TJP1: variants seen among roughly 807,000 people sequenced by gnomAD.
TJP1 encodes the protein tight junction protein 1.
A neutral mutation model predicts 194.2 loss-of-function variants in TJP1; 43 were observed. The ratio of observed to expected loss-of-function variants is 0.22; its 90% CI spans 0.17 to 0.29. The LOEUF (loss-of-function observed/expected upper bound fraction) is 0.29. Ranked by LOEUF, TJP1 falls within the 10% of genes least tolerant of loss-of-function variation. The pLI, the probability that TJP1 is intolerant of heterozygous loss-of-function variation, is 1.00. For synonymous variants in TJP1, 801 were observed against 779.0 expected, an observed-to-expected ratio of 1.03 and a Z score of -0.47; for missense variants, 1,971 against 2,185.7, an observed-to-expected ratio of 0.90 and a Z score of 1.96.
chr15:29,881,277 G>A (rs924456850), intron 2 of TJP1, among the ~76,000 whole-genome samples: 18 of 152,098 alleles, frequency 1.2e-4, no homozygotes, highest in African/African-American at 2.4e-4. Context: ...TCCTTTGCCC[G>A]TTTTTAAATT....
chr15:29,754,746 C>A (rs943401237), intron 8 of TJP1, among the ~76,000 whole-genome samples: 6 of 152,180 alleles, frequency 3.9e-5, no homozygotes, highest in African/African-American at 1.4e-4. Context: ...CAGCCCTAAT[C>A]TGAAAATGCA....
At chr15:29,750,208 G>C (rs150264490) in intron 8 of TJP1, among the ~76,000 whole-genome samples, 1 of 152,062 alleles carries the variant, frequency 6.6e-6, no homozygotes, top group Non-Finnish European at 1.5e-5. Flanking sequence ...GGGTTTCACC[G>C]TGTTAGCCAG....
At chr15:29,817,783 A>G (rs2050032768) in intron 1 of TJP1, among the ~76,000 whole-genome samples, 1 of 152,202 alleles carries the variant, frequency 6.6e-6, no homozygotes, top group South Asian at 2.1e-4. Flanking sequence ...GAGTTGAACA[A>G]TGAGAACACA....
At chr15:29,828,007 C>A (rs545945832) in intron 2 of TJP1, among the ~76,000 whole-genome samples, 1 of 152,302 alleles carries the variant, frequency 6.6e-6, no homozygotes, top group Admixed American at 6.5e-5. Context: ...GTAAAAGATT[C>A]ATGCAATTGA....
intron 2 of TJP1, among the ~76,000 whole-genome samples, chr15:29,919,299 A>G (rs73371161): frequency 0.011 from 1,706 of 152,312 alleles, 48 homozygotes; most frequent in African/African-American, 0.039. Flanking sequence ...CCCAGAGGGC[A>G]TTAGGTTGGT....
chr15:29,719,837 T>C lies in TJP1; in HGVS notation c.2943A>G (p.Ala981=). 1.2e-6 allele frequency: 2 copies of C among 1,614,210 alleles called. No individual in the cohort carries two copies. The highest frequency in any genetic ancestry group is 2.7e-5 in the African/African-American group (2 of 75,058). ...ADSLRTPSTE[A]AHIMLRDQEP... ...CTTGATCTCTTAGCATTATGTGAGC[T>C]GCCTCAGTACTTGGTGTTCTTAAAG... is the stretch of plus-strand genomic sequence containing the variant. The change falls in exon 20 of 28, where the codon GCA becomes GCG. Residue 981 remains alanine (A), a synonymous_variant. Transcript: ENST00000614355.
At chr15:29,949,510 C>A (rs1301273455) in intron 2 of TJP1, among the ~76,000 whole-genome samples, 1 of 135,194 alleles carries the variant, frequency 7.4e-6, no homozygotes, top group Non-Finnish European at 1.6e-5. Context: ...CAACCACCAC[C>A]TCCACCTCCA....
At position 29,701,628 on chromosome 15, in the gene TJP1, T is replaced by G; in HGVS notation, c.5274A>C (p.Ala1758=). 1 of 1,614,150 alleles carries G rather than the reference T, an allele frequency of 6.2e-7. No individual in the cohort carries two copies. Among genetic ancestry groups the G allele is most frequent in the South Asian group, 1.1e-5 (1 of 91,078 alleles). The change falls in exon 28 of 28, where the codon GCA becomes GCC. Residue 1758 remains alanine (A), a synonymous_variant. Coordinates refer to ENST00000614355, the MANE Select transcript of TJP1 (RefSeq NM_001330239.4). Reference sequence around the variant, plus strand: ...GGTCAATAAGGACAGAAACACAGTTTGCTCCAACGAGATAATTTGGATCTC... The same window carrying G: ...GGTCAATAAGGACAGAAACACAGTTGGCTCCAACGAGATAATTTGGATCTC... ...LPGDPNYLVG[A]NCVSVLIDHF
At chr15:29,733,638 G>C (rs929490372) in intron 12 of TJP1, among the ~76,000 whole-genome samples, 1 of 152,160 alleles carries the variant, frequency 6.6e-6, no homozygotes, top group African/African-American at 2.4e-5. Context: ...CTCAAATAAA[G>C]GTAATTTTAT....
chr15:29,855,859 G>GA (rs879879945), intron 2 of TJP1, among the ~76,000 whole-genome samples: 71 of 127,944 alleles, frequency 5.5e-4, no homozygotes, highest in Middle Eastern at 4.0e-3. Flanking sequence ...CCATCTCAAA[G>GA]AAAAAAAAAA....
chr15:29,810,692 A>G (rs2049428609), intron 1 of TJP1, among the ~76,000 whole-genome samples: 1 of 152,096 alleles, frequency 6.6e-6, no homozygotes, highest in African/African-American at 2.4e-5. Flanking sequence ...AGGGGTACAC[A>G]GAGTTTAAAG....
At chr15:29,876,898 T>G (rs2052721690) in intron 2 of TJP1, among the ~76,000 whole-genome samples, 1 of 152,140 alleles carries the variant, frequency 6.6e-6, no homozygotes, top group Non-Finnish European at 1.5e-5. Flanking sequence ...CTGTGACACA[T>G]TTATACCTCC....
At chr15:29,707,182 T>A (rs904668845) in intron 25 of TJP1, among the ~76,000 whole-genome samples, 1 of 152,134 alleles carries the variant, frequency 6.6e-6, no homozygotes, top group Non-Finnish European at 1.5e-5. Flanking sequence ...AGAGAGACAG[T>A]AGATTAACTT....
At chr15:29,879,404 G>A (rs1312295067) in intron 2 of TJP1, among the ~76,000 whole-genome samples, 8 of 152,186 alleles carry the variant, frequency 5.3e-5, no homozygotes, top group Non-Finnish European at 8.8e-5. Context: ...AGCTGCCTCC[G>A]GCGCTTGCTG....
At chr15:29,754,611 C>T (rs2045523082) in intron 8 of TJP1, among the ~76,000 whole-genome samples, 1 of 152,138 alleles carries the variant, frequency 6.6e-6, no homozygotes, top group African/African-American at 2.4e-5. Context: ...GATGTTTCAA[C>T]AATAATTTTT....
At position 29,950,159 on chromosome 15, in the gene TJP1, ACCACCACAACCACTACCTCCACCT is replaced by A. The variant is rs1567228214; in HGVS notation, c.306+6049_306+6072del. 4.1e-3 allele frequency among the ~76,000 whole-genome samples: 358 copies of A among 86,870 alleles called. 14 individuals carry two copies. The highest frequency in any genetic ancestry group is 7.9e-3 in the Middle Eastern group (1 of 126). The allele number at this position is 86,870 out of a possible 152,430, so 57.0% of individuals were successfully genotyped here. On this transcript the variant is annotated intron_variant, in intron 2 of 28. Coordinates refer to the TJP1 transcript ENST00000356107. The stretch of plus-strand genomic sequence containing the variant: ...CACCACCACAACCACCACCTCCACC[ACCACCACAACCACTACCTCCACCT>A]CCACCACCACCACCACTTCCATCTC...
Position 29,953,140 on chromosome 15 carries a change from A to ATTTTTTTTTTTTTTTTTTTTTTTTTT in TJP1, c.306+3091_306+3092insAAAAAAAAAAAAAAAAAAAAAAAAAA, listed in dbSNP as rs71416442. ...TTCCTTCTTTCATAAAAGAAGACAG[A>ATTTTTTTTTTTTTTTTTTTTTTTTTT]TTTTTTTTTTTTTTTTTTTGCAACG... On this transcript the variant is annotated intron_variant, in intron 2 of 28. Coordinates refer to the TJP1 transcript ENST00000356107. 4.5e-5 allele frequency among the ~76,000 whole-genome samples: 5 copies of ATTTTTTTTTTTTTTTTTTTTTTTTTT among 110,978 alleles called. 2 individuals carry two copies. Among genetic ancestry groups the ATTTTTTTTTTTTTTTTTTTTTTTTTT allele is most frequent in the Non-Finnish European group, 5.4e-5 (3 of 55,928 alleles). The allele number at this position is 110,978 out of a possible 152,430, so 72.8% of individuals were successfully genotyped here.
Position 29,852,342 on chromosome 15 carries a change from C to T in TJP1, c.307-51640G>A, listed in dbSNP as rs888710033. Among the ~76,000 whole-genome samples, 6 of 152,280 alleles carry T rather than the reference C, an allele frequency of 3.9e-5. No homozygotes were observed. In the South Asian group the frequency reaches 8.3e-4, roughly 21 times the overall value. On this transcript the variant is annotated intron_variant, in intron 2 of 28. Transcript: ENST00000356107. ...TTCATTGAACAGGATATTCCGATGG[C>T]TAATGGACCACAAAAAGACATTCAA...
intron 2 of TJP1, among the ~76,000 whole-genome samples, chr15:29,928,484 CA>C (rs2054595398): frequency 6.6e-6 from 1 of 152,188 alleles, no homozygotes; most frequent in Admixed American, 6.5e-5. Flanking sequence ...TAAAACTGAA[CA>C]TATGTGTAAC....
Sources: allele counts gnomAD v4.1 joint callset (sites outside exome capture counted in the v4.1 genomes callset), GRCh38; gene constraint gnomAD v4.1.1; transcripts MANE v1.5; gene names NCBI Gene and HGNC (gene_info 2026-07-23, HGNC 2026-07-21).